The following NRXN1 variants were observed in gnomAD, a reference collection of about 807,000 sequenced individuals.
NRXN1 encodes the protein neurexin-1.
NRXN1 carries 39 observed loss-of-function variants against 150.9 expected under a neutral mutation model. The ratio of observed to expected loss-of-function variants is 0.26; its 90% CI spans 0.20 to 0.34. The LOEUF (loss-of-function observed/expected upper bound fraction) is 0.34, where lower values mean the gene tolerates loss of function less well. NRXN1 is among the 10% of genes least tolerant of loss of function. The pLI, the probability that NRXN1 is intolerant of heterozygous loss-of-function variation, is 1.00. For missense variants in NRXN1, 1,815 were observed against 1,949.9 expected, an observed-to-expected ratio of 0.93 and a Z score of 1.30; for synonymous variants, 924 against 757.0, an observed-to-expected ratio of 1.22 and a Z score of -3.62.
At chr2:50,548,528 T>C (rs2093543778) in intron 9 of NRXN1, among the ~76,000 whole-genome samples, 1 of 148,512 alleles carries the variant, frequency 6.7e-6, no homozygotes, top group African/African-American at 2.4e-5. Context: ...ATGCTGCTAA[T>C]TTATTTTATT....
intron 21 of NRXN1, among the ~76,000 whole-genome samples, chr2:50,005,822 T>G (rs556399614): frequency 1.3e-5 from 2 of 152,200 alleles, no homozygotes; most frequent in Admixed American, 6.5e-5. Flanking sequence ...TGCTGAAGCC[T>G]CTGCCTCAGA....
intron 5 of NRXN1, among the ~76,000 whole-genome samples, chr2:50,915,303 C>T (rs1290973983): frequency 1.3e-5 from 2 of 151,524 alleles, no homozygotes; most frequent in Non-Finnish European, 3.0e-5. Context: ...TCTGTGAAGT[C>T]ATTAGTATGG....
intron 12 of NRXN1, among the ~76,000 whole-genome samples, chr2:50,528,312 G>T (rs967225570): frequency 2.0e-5 from 3 of 151,974 alleles, no homozygotes; most frequent in Non-Finnish European, 4.4e-5. Flanking sequence ...CTCCTATTTG[G>T]TTATGAAGAG....
At chr2:50,241,074 A>G (rs2065956288) in intron 17 of NRXN1, among the ~76,000 whole-genome samples, 1 of 151,686 alleles carries the variant, frequency 6.6e-6, no homozygotes, top group Non-Finnish European at 1.5e-5. Flanking sequence ...ACTTTTATGT[A>G]AACTCATTAT....
intron 21 of NRXN1, among the ~76,000 whole-genome samples, chr2:49,951,037 TAA>T (rs1414943362): frequency 6.6e-6 from 1 of 151,924 alleles, no homozygotes; most frequent in African/African-American, 2.4e-5. Flanking sequence ...CCAGAACCAC[TAA>T]AGTGGGTTTG....
At chr2:50,605,877 G>GGAT (rs1302224733) in intron 8 of NRXN1, among the ~76,000 whole-genome samples, 1 of 152,132 alleles carries the variant, frequency 6.6e-6, no homozygotes, top group East Asian at 1.9e-4. Context: ...ACAATAGCCA[G>GGAT]GATGAGCACA....
At chr2:50,879,878 T>A (rs1469697788) in intron 5 of NRXN1, among the ~76,000 whole-genome samples, 1 of 151,958 alleles carries the variant, frequency 6.6e-6, no homozygotes, top group Admixed American at 6.6e-5. Flanking sequence ...TGCTGAGGCA[T>A]GCCCATGGTT....
intron 2 of NRXN1, among the ~76,000 whole-genome samples, chr2:50,933,120 A>G (rs1688014131): frequency 6.6e-6 from 1 of 152,152 alleles, no homozygotes; most frequent in Non-Finnish European, 1.5e-5. Flanking sequence ...CCAGGTTTAT[A>G]AATGTGTTTA....
At chr2:49,928,778 C>T (rs1572891025) in intron 22 of NRXN1, among the ~76,000 whole-genome samples, 2 of 152,232 alleles carry the variant, frequency 1.3e-5, no homozygotes, top group Middle Eastern at 3.4e-3. Context: ...ATATGACATG[C>T]ATTAATTTCG....
At chr2:50,241,873 T>C (rs764191347) in intron 17 of NRXN1, among the ~76,000 whole-genome samples, 2 of 151,792 alleles carry the variant, frequency 1.3e-5, no homozygotes, top group Non-Finnish European at 2.9e-5. Flanking sequence ...TTCCCTTACA[T>C]AGATTGAAAC....
At chr2:50,141,772 G>A (rs185709986) in intron 18 of NRXN1, among the ~76,000 whole-genome samples, 163 of 152,102 alleles carry the variant, frequency 1.1e-3, no homozygotes, top group Non-Finnish European at 4.0e-4. Flanking sequence ...CCTTACCCCC[G>A]TTAGAATGTC....
chr2:51,005,048 T>C (rs1224184421), intron 2 of NRXN1, among the ~76,000 whole-genome samples: 1 of 151,976 alleles, frequency 6.6e-6, no homozygotes, highest in Non-Finnish European at 1.5e-5. Context: ...AGCTATTTTT[T>C]AAAATAGTCA....
At chr2:50,068,016 G>A (rs1695622538) in intron 19 of NRXN1, among the ~76,000 whole-genome samples, 1 of 152,146 alleles carries the variant, frequency 6.6e-6, no homozygotes, top group African/African-American at 2.4e-5. Flanking sequence ...AAAAAGATAG[G>A]TGAATGTTTC....
At chr2:50,656,009 T>C (rs1686402406) in intron 5 of NRXN1, among the ~76,000 whole-genome samples, 1 of 152,004 alleles carries the variant, frequency 6.6e-6, no homozygotes, top group Admixed American at 6.6e-5. Flanking sequence ...TCAGAAAGCT[T>C]AGGTAAAATC....
intron 5 of NRXN1, chr2:50,656,240 C>T (rs917355184): frequency 5.1e-6 from 3 of 589,060 alleles, no homozygotes; most frequent in African/African-American, 1.9e-5. Context: ...AACTTAAAGT[C>T]TAATCATGCC....
intron 5 of NRXN1, among the ~76,000 whole-genome samples, chr2:50,785,870 C>T (rs1385461895): frequency 6.6e-6 from 1 of 152,024 alleles, no homozygotes; most frequent in African/African-American, 2.4e-5. Context: ...AAACTGTTGT[C>T]CAACTACTAT....
At chr2:49,947,460 C>A (rs1558560252) in intron 21 of NRXN1, among the ~76,000 whole-genome samples, 1 of 147,022 alleles carries the variant, frequency 6.8e-6, no homozygotes, top group Non-Finnish European at 1.5e-5. Flanking sequence ...GCTAAACATT[C>A]TTTTCTTTCC....
chr2:50,976,171 G>T (rs144637381), intron 2 of NRXN1, among the ~76,000 whole-genome samples: 6 of 149,244 alleles, frequency 4.0e-5, no homozygotes, highest in African/African-American at 1.2e-4. Flanking sequence ...AATTTACTTT[G>T]CAATCAATTA....
chr2:50,142,414 A>G (rs1182927539), intron 18 of NRXN1, among the ~76,000 whole-genome samples: 2 of 151,912 alleles, frequency 1.3e-5, no homozygotes, highest in Non-Finnish European at 2.9e-5. Flanking sequence ...GGGTGACTAT[A>G]GTTAATAAAA....
Sources: allele counts gnomAD v4.1 joint callset (sites outside exome capture counted in the v4.1 genomes callset), GRCh38; gene constraint gnomAD v4.1.1; transcripts MANE v1.5; gene names NCBI Gene and HGNC (gene_info 2026-07-23, HGNC 2026-07-21).